Variants in CHL1 observed in about 807,000 individuals in gnomAD.
The protein encoded by CHL1 is cell adhesion molecule L1 like.
In CHL1, 96 loss-of-function variants were observed where a neutral mutation model predicts 141.9. That is an observed-to-expected ratio of 0.68 (90% CI 0.57 to 0.80). The LOEUF is 0.80. Ranked by LOEUF, CHL1 falls within the 30% of genes least tolerant of loss-of-function variation. The probability of loss-of-function intolerance (pLI) is 0.00; values close to 1 mark genes in which losing one functional copy is unlikely to be tolerated. For missense variants in CHL1, 1,820 were observed against 1,457.2 expected (o/e 1.25, Z -4.05); for synonymous variants, 613 against 502.2 (o/e 1.22, Z -2.95).
rs201587203 is a variant in CHL1, at chr3:338,029, C to CT, written c.386-2758dup. 7.5e-3 allele frequency among the ~76,000 whole-genome samples: 1,139 copies of CT among 152,226 alleles called. 20 individuals are homozygous for CT. Among genetic ancestry groups the CT allele is most frequent in the African/African-American group, 0.023 (964 of 41,534 alleles). ...TATTTCTCCACATCCTCTCCAGCAC[C>CT]TTTTTTTGGCATTTTTAGTAGAGAC... On this transcript the variant is annotated intron_variant, in intron 5 of 27. Coordinates refer to ENST00000256509, the MANE Select transcript of CHL1 (RefSeq NM_006614.4).
In CHL1 at chr3:398,267, A is replaced by G. The variant is rs1559359502; in HGVS notation, c.3135A>G (p.Gln1045=). The G allele has an allele frequency of 6.2e-7, 1 of 1,607,382 alleles. No homozygotes were observed. Among genetic ancestry groups the G allele is most frequent in the Non-Finnish European group, 8.5e-7 (1 of 1,174,438 alleles). The change falls in exon 25 of 28, where the codon CAA becomes CAG. Residue 1045 remains glutamine, a synonymous_variant. Coordinates refer to ENST00000256509, the MANE Select transcript of CHL1 (RefSeq NM_006614.4). ...IGKISGVNLT[Q]KTHPIEVFEP... ...AGATATCAGGAGTAAATCTTACTCA[A>G]AAGACTCACCCAATAGAGGTATTTG...
intron 2 of CHL1, among the ~76,000 whole-genome samples, chr3:255,478 A>G (rs1261222455): frequency 1.5e-5 from 2 of 133,536 alleles, no homozygotes; most frequent in African/African-American, 2.8e-5. Context: ...CACACTGTTG[A>G]CAGCCTTTTG....
chr3:319,753 G>T lies in CHL1; in HGVS notation c.-24G>T. 6.7e-7 allele frequency: 1 copy of T among 1,484,574 alleles called. No homozygotes were observed. The highest frequency in any genetic ancestry group is 9.4e-7 in the Non-Finnish European group (1 of 1,066,706). 92.0% of individuals were successfully genotyped at this position (1,484,574 alleles called of 1,614,324 possible). On this transcript the variant is annotated 5_prime_UTR_variant, in exon 3 of 28. Coordinates refer to ENST00000256509, the MANE Select transcript of CHL1 (RefSeq NM_006614.4). ...AGACATTAAGATTTTCATTCTTACC[G>T]GGTTGTCTTCTTCCTGAAGAGCAAT... is the stretch of plus-strand genomic sequence containing the variant.
intron 1 of CHL1, among the ~76,000 whole-genome samples, chr3:199,496 C>A (rs1451547111): frequency 6.6e-6 from 1 of 152,202 alleles, no homozygotes; most frequent in East Asian, 1.9e-4. Context: ...ACACTGTACA[C>A]TTCGTGGGCC....
chr3:389,627 A>G (rs1468526386), intron 20 of CHL1, among the ~76,000 whole-genome samples, 153 bp downstream of exon 20: 3 of 152,238 alleles, frequency 2.0e-5, no homozygotes, highest in African/African-American at 4.8e-5. Context: ...CATGACTTCT[A>G]TCTTAGGATT....
At chr3:285,273 G>A (rs1408029062) in intron 2 of CHL1, among the ~76,000 whole-genome samples, 1 of 152,218 alleles carries the variant, frequency 6.6e-6, no homozygotes, top group Non-Finnish European at 1.5e-5. Flanking sequence ...GTTTGAGGAA[G>A]ACATTATGAC....
chr3:349,464 C>T lies in CHL1; in HGVS notation c.954C>T (p.Tyr318=), dbSNP rs1703059422. The change falls in exon 10 of 28, where the codon TAC becomes TAT. Residue 318 remains tyrosine, a synonymous_variant. Coordinates refer to ENST00000256509, the MANE Select transcript of CHL1 (RefSeq NM_006614.4). ...GKTLKIENVS[Y]QDKGNYRCTA... The stretch of plus-strand genomic sequence containing the variant: ...CTTTGAAGATAGAGAATGTCTCCTA[C>T]CAGGACAAAGGAAATTATCGCTGCA... 1 of 1,613,814 alleles carries T rather than the reference C, an allele frequency of 6.2e-7. No individual in the cohort carries two copies. The highest frequency in any genetic ancestry group is 1.1e-5 in the South Asian group (1 of 91,084).
chr3:250,993 A>C (rs1203960629), intron 2 of CHL1, among the ~76,000 whole-genome samples: 58 of 152,164 alleles, frequency 3.8e-4, no homozygotes, highest in Non-Finnish European at 6.8e-4. Context: ...TATCCTCATG[A>C]AGCTTATAAT....
chr3:363,149 G>A (rs766456282), intron 13 of CHL1, 68 bp from the exon 14 acceptor site: 1 of 1,328,436 alleles, frequency 7.5e-7, no homozygotes, highest in Non-Finnish European at 1.0e-6. Flanking sequence ...TGACGTCACT[G>A]ACTAGTATTA....
chr3:333,395 G>A (rs754351582), intron 5 of CHL1, among the ~76,000 whole-genome samples: 3 of 151,966 alleles, frequency 2.0e-5, no homozygotes, highest in Admixed American at 6.6e-5. Context: ...TGATTCAAAT[G>A]TTACAGTTTC....
At chr3:238,729 A>C (rs1285587214) in intron 1 of CHL1, among the ~76,000 whole-genome samples, 1 of 151,512 alleles carries the variant, frequency 6.6e-6, no homozygotes, top group Non-Finnish European at 1.5e-5. Context: ...GTTCGAGACC[A>C]GCCTAGCTAA....
intron 5 of CHL1, among the ~76,000 whole-genome samples, chr3:333,519 A>G (rs2125104598): frequency 6.6e-6 from 1 of 151,942 alleles, no homozygotes; most frequent in Admixed American, 6.6e-5. Flanking sequence ...AAACAACAAC[A>G]ACAAGAACCA....
At chr3:216,212 T>A (rs963217071) in intron 1 of CHL1, among the ~76,000 whole-genome samples, 1 of 152,218 alleles carries the variant, frequency 6.6e-6, no homozygotes, top group Non-Finnish European at 1.5e-5. Flanking sequence ...ATTGAAGTGC[T>A]ATGGGGGATA....
intron 2 of CHL1, among the ~76,000 whole-genome samples, chr3:264,397 T>G (rs1485526981): frequency 6.6e-6 from 1 of 152,128 alleles, no homozygotes; most frequent in Admixed American, 6.6e-5. Context: ...TTAATAAACA[T>G]ATAACAGAAT....
At chr3:283,949 A>G (rs1696892266) in intron 2 of CHL1, among the ~76,000 whole-genome samples, 1 of 152,212 alleles carries the variant, frequency 6.6e-6, no homozygotes, top group South Asian at 2.1e-4. Flanking sequence ...TTATCAGATG[A>G]ATGAATGCAT....
At chr3:264,168 T>C (rs961873237) in intron 2 of CHL1, among the ~76,000 whole-genome samples, 1 of 152,222 alleles carries the variant, frequency 6.6e-6, no homozygotes, top group East Asian at 1.9e-4. Flanking sequence ...TCTATTCAAA[T>C]AACACTAAAC....
intron 2 of CHL1, among the ~76,000 whole-genome samples, chr3:303,350 C>G (rs1449230837): frequency 6.6e-6 from 1 of 152,134 alleles, no homozygotes; most frequent in East Asian, 1.9e-4. Flanking sequence ...GCCATTTTCA[C>G]AATATTGATT....
intron 2 of CHL1, among the ~76,000 whole-genome samples, chr3:309,814 C>A (rs1476097868): frequency 6.6e-6 from 1 of 152,104 alleles, no homozygotes. Flanking sequence ...TGCACTTGAT[C>A]CTATGTTTTT....
chr3:350,063 T>C (rs1703113154), intron 10 of CHL1, among the ~76,000 whole-genome samples: 1 of 152,202 alleles, frequency 6.6e-6, no homozygotes, highest in Non-Finnish European at 1.5e-5. Flanking sequence ...TTGTAATCCA[T>C]ATCTTGGGTT....
Sources: allele counts gnomAD v4.1 joint callset (sites outside exome capture counted in the v4.1 genomes callset), GRCh38; gene constraint gnomAD v4.1.1; transcripts MANE v1.5; gene names NCBI Gene and HGNC (gene_info 2026-07-23, HGNC 2026-07-21).